The following HPS3 variants were observed in gnomAD, a reference collection of about 807,000 sequenced individuals.
HPS3 encodes the protein HPS3 biogenesis of lysosomal organelles complex 2 subunit 1.
In HPS3, 79 loss-of-function variants were observed where a neutral mutation model predicts 110.9. The ratio of observed to expected loss-of-function variants is 0.71; its 90% CI spans 0.59 to 0.86. HPS3 has a LOEUF of 0.86. HPS3 is among the 40% of genes least tolerant of loss of function. The probability of loss-of-function intolerance (pLI) is 0.00; values close to 1 mark genes in which losing one functional copy is unlikely to be tolerated. For synonymous variants in HPS3, 428 were observed against 451.0 expected (o/e 0.95, Z 0.65); for missense variants, 1,197 against 1,206.2 (o/e 0.99, Z 0.11).
chr3:149,168,556 A>T, intron 16 of HPS3: 1 of 152,872 alleles, frequency 6.5e-6, no homozygotes, highest in East Asian at 1.9e-4. Context: ...GGGTATATCA[A>T]TTGCAGAGCA....
At chr3:149,142,674 ATATT>A (rs1195435363) in intron 4 of HPS3, among the ~76,000 whole-genome samples, 3 of 152,110 alleles carry the variant, frequency 2.0e-5, no homozygotes, top group Non-Finnish European at 4.4e-5. Flanking sequence ...CTTTTAGTAA[ATATT>A]TATTGAGTAC....
chr3:149,140,938 C>T, intron 2 of HPS3, 79 bp from the exon 3 acceptor site: 1 of 1,275,274 alleles, frequency 7.8e-7, no homozygotes, highest in South Asian at 1.2e-5. Flanking sequence ...AATGAAATTA[C>T]TATATGTCTA....
intron 6 of HPS3, among the ~76,000 whole-genome samples, 193 bp downstream of exon 6, chr3:149,150,873 A>G (rs1174649934): frequency 6.6e-6 from 1 of 152,168 alleles, no homozygotes; most frequent in African/African-American, 2.4e-5. Context: ...AGTTTTTAAG[A>G]TTGCTTTGCA....
intron 14 of HPS3, chr3:149,166,152 A>T (rs1724393328): frequency 5.2e-6 from 2 of 386,126 alleles, no homozygotes; most frequent in Non-Finnish European, 5.1e-6. Flanking sequence ...GTAGAATCAA[A>T]AGTAGTATTT....
chr3:149,167,973 A>T lies in HPS3; in HGVS notation c.2877A>T (p.Ser959=). The change falls in exon 16 of 17, where the codon TCA becomes TCT. Residue 959 remains serine, a synonymous_variant. Transcript: ENST00000296051. ...GAGAGAAGTATCAACTCTACCTGTC[A>T]TCATTAAAAGGTAAAATGATTTTTT... is the stretch of plus-strand genomic sequence containing the variant. ...CGGEKYQLYL[S]SLKETLSIVA... is the part of the protein sequence containing the mutation. 6.4e-7 allele frequency: 1 copy of T among 1,556,772 alleles called. No homozygotes were observed. The highest frequency in any genetic ancestry group is 8.8e-7 in the Non-Finnish European group (1 of 1,131,184).
At chr3:149,134,281 T>A (rs912911199) in intron 1 of HPS3, among the ~76,000 whole-genome samples, 4 of 152,232 alleles carry the variant, frequency 2.6e-5, no homozygotes, top group Non-Finnish European at 5.9e-5. Flanking sequence ...TAGTTTTCTC[T>A]ACGTCACTCC....
At position 149,129,858 on chromosome 3, in the gene HPS3, G is replaced by C. The variant is rs754575715; in HGVS notation, c.135G>C (p.Ala45=). Residue 45 remains alanine (A), a synonymous_variant, in exon 1 of 17, where the codon GCG becomes GCC. Transcript: ENST00000296051. ...VAAGCKVEAF[A]VAGQELCQPR... ...CGGGCTGCAAGGTGGAGGCGTTCGC[G>C]GTGGCCGGCCAGGAGCTGTGCCAGC... The C allele has an allele frequency of 2.8e-5, 45 of 1,600,344 alleles. No individual in the cohort carries two copies. The East Asian group carries it at 9.9e-4, about 35-fold the overall frequency.
intron 14 of HPS3, among the ~76,000 whole-genome samples, chr3:149,164,627 C>T (rs1459195800): frequency 1.3e-5 from 2 of 152,162 alleles, no homozygotes; most frequent in African/African-American, 4.8e-5. Context: ...TAGGTGCTAA[C>T]ATACAAAACT....
chr3:149,137,098 A>G (rs1253021651), intron 1 of HPS3, among the ~76,000 whole-genome samples: 2 of 152,350 alleles, frequency 1.3e-5, no homozygotes, highest in South Asian at 2.1e-4. Context: ...TCTAGAATAT[A>G]TACAATAAAG....
chr3:149,164,985 G>A (rs796515567), intron 14 of HPS3, among the ~76,000 whole-genome samples: 2 of 152,336 alleles, frequency 1.3e-5, no homozygotes, highest in African/African-American at 4.8e-5. Flanking sequence ...GAGGAGGGAA[G>A]CTGAAGAGGC....
At chr3:149,156,938 A>G (rs1723493530) in intron 8 of HPS3, among the ~76,000 whole-genome samples, 1 of 152,224 alleles carries the variant, frequency 6.6e-6, no homozygotes, top group African/African-American at 2.4e-5. Context: ...CTTACCAATC[A>G]AAACTAAAAT....
In HPS3 at chr3:149,160,154, A is replaced by T; in HGVS notation, c.1981A>T (p.Ser661Cys). Reference sequence around the variant, plus strand: ...GAATATTAATCCTTTAACTGCCATGAGCTATCTAAGGAAGCTGGATACTTC... The same window carrying T: ...GAATATTAATCCTTTAACTGCCATGTGCTATCTAAGGAAGCTGGATACTTC... ...MKNINPLTAMSYLRKLDTSGF... is the reference protein window; with the variant it reads ...MKNINPLTAMCYLRKLDTSGF... The change falls in exon 11 of 17, where the codon AGC becomes TGC. Residue 661 changes from serine to cysteine, a missense_variant. Physicochemically the swap from Ser to Cys is moderately radical, Grantham distance 112 (BLOSUM62 -1). Coordinates refer to ENST00000296051, the MANE Select transcript of HPS3 (RefSeq NM_032383.5). 1 of 1,613,684 alleles carries T rather than the reference A, an allele frequency of 6.2e-7. No homozygotes were observed. Among genetic ancestry groups the T allele is most frequent in the Non-Finnish European group, 8.5e-7 (1 of 1,179,630 alleles).
At chr3:149,151,366 C>T (rs1157650255) in intron 6 of HPS3, among the ~76,000 whole-genome samples, 1 of 151,592 alleles carries the variant, frequency 6.6e-6, no homozygotes, top group African/African-American at 2.4e-5. Flanking sequence ...ATACTGGTGG[C>T]AGTTTTACAG....
rs1339763521 is a variant in HPS3 at position 149,172,532 on chromosome 3, GAAC to G, written c.*315_*317del. ...GGTGGGGATTGACTTTTATTCCAAG[GAAC>G]AACATCAGTTCACTGTTGTTGGAGA... On this transcript the variant is annotated 3_prime_UTR_variant, in exon 17 of 17. Transcript: ENST00000296051. The G allele has an allele frequency of 3.9e-6, 1 of 258,848 alleles. No homozygotes were observed. Among genetic ancestry groups the G allele is most frequent in the East Asian group, 8.7e-5 (1 of 11,534 alleles). 16.0% of individuals were successfully genotyped at this position (258,848 alleles called of 1,614,324 possible).
At chr3:149,168,045 C>T (rs1017257916) in intron 16 of HPS3, 62 bp downstream of exon 16, 1 of 965,222 alleles carries the variant, frequency 1.0e-6, no homozygotes, top group African/African-American at 1.6e-5. Context: ...TTTGGTGAAG[C>T]CTTCTTAAGT....
chr3:149,167,940 A>C lies in HPS3; in HGVS notation c.2844A>C (p.Lys948Asn). The C allele has an allele frequency of 6.2e-7, 1 of 1,607,458 alleles. No individual in the cohort carries two copies. The highest frequency in any genetic ancestry group is 1.1e-5 in the South Asian group (1 of 90,936). The stretch of plus-strand genomic sequence containing the variant: ...TGCCTGAACTTTGTCAGAGAATAAA[A>C]TGTGGTGGAGAGAAGTATCAACTCT... Reference protein sequence around the residue: ...KLLPELCQRIKCGGEKYQLYL... With the variant: ...KLLPELCQRINCGGEKYQLYL... Residue 948 changes from lysine (K) to asparagine (N), a missense_variant, in exon 16 of 17, where the codon AAA (lysine) becomes AAC (asparagine). Coordinates refer to ENST00000296051, the MANE Select transcript of HPS3 (RefSeq NM_032383.5).
At chr3:149,146,882 T>G (rs1191509370) in intron 5 of HPS3, among the ~76,000 whole-genome samples, 1 of 152,206 alleles carries the variant, frequency 6.6e-6, no homozygotes, top group Non-Finnish European at 1.5e-5. Context: ...ACTAAGGACT[T>G]TTTTTTAAAG....
intron 14 of HPS3, chr3:149,166,031 C>T (rs1367512566): frequency 1.1e-5 from 5 of 455,850 alleles, no homozygotes; most frequent in Non-Finnish European, 1.8e-5. Context: ...TCCATATTCT[C>T]CTGTGAGTCT....
Position 149,157,361 on chromosome 3 carries a change from C to G in HPS3, c.1521C>G (p.Ser507Arg). The G allele has an allele frequency of 6.2e-7, 1 of 1,613,176 alleles. No homozygotes were observed. Among genetic ancestry groups the G allele is most frequent in the Non-Finnish European group, 8.5e-7 (1 of 1,179,362 alleles). The change falls in exon 9 of 17, where the codon AGC becomes AGG. Residue 507 changes from serine (S) to arginine (R), a missense_variant. Physicochemically the swap from Ser to Arg is moderately radical, Grantham distance 110. Transcript: ENST00000296051. The stretch of plus-strand genomic sequence containing the variant: ...TCTTTTTTGTTTAGGTAGACTATAG[C>G]AATACCTATAAGACTGTCAAAACCC... ...VQLYKEMVDY[S>R]NTYKTVKTQS...
Sources: gnomAD v4.1 joint callset for allele counts (sites outside exome capture counted in the v4.1 genomes callset) on GRCh38, gnomAD v4.1.1 for gene constraint, MANE v1.5 for transcripts, NCBI Gene and HGNC (gene_info 2026-07-23, HGNC 2026-07-21) for gene names.